The following PTPRK variants were observed in gnomAD, a reference collection of about 807,000 sequenced individuals.
PTPRK encodes the protein protein tyrosine phosphatase receptor type K, also known as receptor-type tyrosine-protein phosphatase kappa.
A neutral mutation model predicts 178.0 loss-of-function variants in PTPRK; 75 were observed. The observed-to-expected ratio is 0.42, with a 90% CI of 0.35 to 0.51. PTPRK has a LOEUF of 0.51. Ranked by LOEUF, PTPRK falls within the 20% of genes least tolerant of loss-of-function variation. The pLI is 0.02. For missense variants in PTPRK, 1,441 were observed against 1,797.8 expected (o/e 0.80, Z 3.59); for synonymous variants, 637 against 620.6 (o/e 1.03, Z -0.39).
intron 3 of PTPRK, among the ~76,000 whole-genome samples, chr6:128,308,058 A>G (rs1409671303): frequency 5.3e-5 from 8 of 152,202 alleles, no homozygotes; most frequent in South Asian, 2.1e-4. Context: ...AATCAATTTC[A>G]GCTTATTCAA....
At chr6:128,424,192 C>T (rs1843818826) in intron 1 of PTPRK, among the ~76,000 whole-genome samples, 1 of 152,108 alleles carries the variant, frequency 6.6e-6, no homozygotes, top group South Asian at 2.1e-4. Context: ...ATAATCACAA[C>T]ACTACGCTCC....
intron 7 of PTPRK, among the ~76,000 whole-genome samples, chr6:128,116,675 A>G (rs1163925511): frequency 6.6e-6 from 1 of 152,252 alleles, no homozygotes; most frequent in Non-Finnish European, 1.5e-5. Flanking sequence ...AATTTGTTAT[A>G]TTCCAATCTG....
intron 3 of PTPRK, chr6:128,321,739 C>A: frequency 1.5e-6 from 1 of 684,052 alleles, no homozygotes; most frequent in Non-Finnish European, 2.6e-6. Context: ...GTCAAACCAC[C>A]AACAAATTTT....
chr6:128,354,231 G>GATTTTTTTTTTTTTTTT (rs1562341681), intron 2 of PTPRK, among the ~76,000 whole-genome samples: 1 of 49,358 alleles, frequency 2.0e-5, no homozygotes, highest in African/African-American at 9.4e-5. Flanking sequence ...TTTTGTTTAT[G>GATTTTTTTTTTTTTTTT]TTTTTTTTTT....
intron 13 of PTPRK, 140 bp downstream of exon 13, chr6:128,064,618 T>G: frequency 9.7e-7 from 1 of 1,032,820 alleles, no homozygotes; most frequent in Middle Eastern, 2.2e-4. Flanking sequence ...ACCCCATTAG[T>G]TGTTAAAGAC....
intron 7 of PTPRK, among the ~76,000 whole-genome samples, chr6:128,166,724 T>C (rs1799463498): frequency 6.6e-6 from 1 of 151,776 alleles, no homozygotes; most frequent in Non-Finnish European, 1.5e-5. Context: ...CCCAAGTTCA[T>C]TTATTTTACC....
At chr6:128,271,062 A>T (rs186191724) in intron 3 of PTPRK, among the ~76,000 whole-genome samples, 118 of 151,440 alleles carry the variant, frequency 7.8e-4, no homozygotes, top group Admixed American at 3.1e-3. Flanking sequence ...TGAAGGTATT[A>T]AAAAAAAAGG....
At chr6:128,468,005 T>A (rs1193706920) in intron 1 of PTPRK, among the ~76,000 whole-genome samples, 3 of 152,206 alleles carry the variant, frequency 2.0e-5, no homozygotes, top group African/African-American at 7.2e-5. Context: ...CACCTATATA[T>A]CCAACTACCT....
chr6:128,454,547 G>A (rs1475178231), intron 1 of PTPRK, among the ~76,000 whole-genome samples: 2 of 152,038 alleles, frequency 1.3e-5, no homozygotes, highest in Non-Finnish European at 2.9e-5. Flanking sequence ...AGTGTACAAC[G>A]CAGTGGATTT....
At chr6:128,240,754 A>G (rs1814270663) in intron 4 of PTPRK, among the ~76,000 whole-genome samples, 2 of 152,234 alleles carry the variant, frequency 1.3e-5, no homozygotes, top group Admixed American at 6.5e-5. Context: ...TAACCATAGT[A>G]TAGTAATCCA....
chr6:128,500,683 A>G (rs1855427845), intron 1 of PTPRK: 1 of 152,252 alleles, frequency 6.6e-6, no homozygotes. Flanking sequence ...ACCTTTATTA[A>G]TTCTGAATAT....
At chr6:128,016,428 CT>C (rs1255271553) in intron 13 of PTPRK, among the ~76,000 whole-genome samples, 1 of 151,836 alleles carries the variant, frequency 6.6e-6, no homozygotes, top group Non-Finnish European at 1.5e-5. Context: ...ATTTTCCCCC[CT>C]AGCTATAAGG....
At chr6:128,409,275 A>T (rs1842031523) in intron 1 of PTPRK, 1 of 450,874 alleles carries the variant, frequency 2.2e-6, no homozygotes, top group Non-Finnish European at 4.4e-6. Flanking sequence ...TTCTCCTGAC[A>T]TCTAATTACA....
At chr6:128,003,749 A>G (rs1030454806) in intron 15 of PTPRK, among the ~76,000 whole-genome samples, 6 of 151,922 alleles carry the variant, frequency 3.9e-5, no homozygotes, top group Non-Finnish European at 2.9e-5. Flanking sequence ...ATATTAAATT[A>G]AGTAGTTAAA....
At chr6:128,280,163 C>A (rs956424974) in intron 3 of PTPRK, among the ~76,000 whole-genome samples, 1 of 152,090 alleles carries the variant, frequency 6.6e-6, no homozygotes, top group Non-Finnish European at 1.5e-5. Flanking sequence ...AACTTAATAT[C>A]TCCTCCTCCA....
chr6:128,239,988 T>C lies in PTPRK; in HGVS notation c.693+47A>G, dbSNP rs1814095686. 3 of 1,450,286 alleles carry C rather than the reference T, an allele frequency of 2.1e-6. No homozygotes were observed. The Admixed American group carries it at 5.1e-5, about 25-fold the overall frequency. 89.8% of individuals were successfully genotyped at this position (1,450,286 alleles called of 1,614,324 possible). A position where few individuals can be genotyped will look rare whatever the true frequency, so the allele number is the denominator to read the frequency against. On this transcript the variant is annotated intron_variant, in intron 5 of 29. Transcript: ENST00000368226. ...ACAAACAGTCCTGTTGCAATGTTTT[T>C]AAAACATAAAGTATACTCTTTAGCT...
At chr6:127,999,495 C>T (rs1055811278) in intron 15 of PTPRK, among the ~76,000 whole-genome samples, 4 of 152,012 alleles carry the variant, frequency 2.6e-5, no homozygotes, top group African/African-American at 9.7e-5. Context: ...CATTTATATT[C>T]AACCTCTGCC....
chr6:128,009,315 C>G, intron 13 of PTPRK, 47 bp from the exon 14 acceptor site: 1 of 1,561,760 alleles, frequency 6.4e-7, no homozygotes, highest in Non-Finnish European at 8.7e-7. Flanking sequence ...AGCTAATAAT[C>G]ACAGAAAAAA....
chr6:128,507,672 A>G (rs1288252098), intron 1 of PTPRK, among the ~76,000 whole-genome samples: 1 of 152,172 alleles, frequency 6.6e-6, no homozygotes, highest in Non-Finnish European at 1.5e-5. Context: ...CAAGAGAGGC[A>G]GTTCATAAGC....
Sources: allele counts gnomAD v4.1 joint callset (sites outside exome capture counted in the v4.1 genomes callset), GRCh38; gene constraint gnomAD v4.1.1; transcripts MANE v1.5; gene names NCBI Gene and HGNC (gene_info 2026-07-23, HGNC 2026-07-21).